EML5: variants seen among roughly 807,000 people sequenced by gnomAD.
EML5 encodes echinoderm microtubule-associated protein-like 5.
EML5 carries 120 observed loss-of-function variants against 250.0 expected under a neutral mutation model. The ratio of observed to expected loss-of-function variants is 0.48; its 90% CI spans 0.41 to 0.56. The LOEUF (loss-of-function observed/expected upper bound fraction) is 0.56, where lower values mean the gene tolerates loss of function less well. Among genes scored for constraint, EML5 ranks in the 20% least tolerant of loss-of-function variants. The pLI, the probability that EML5 is intolerant of heterozygous loss-of-function variation, is 0.00. For synonymous variants in EML5, 771 were observed against 806.5 expected, an observed-to-expected ratio of 0.96 and a Z score of 0.75; for missense variants, 2,006 against 2,437.6, an observed-to-expected ratio of 0.82 and a Z score of 3.73.
intron 21 of EML5, among the ~76,000 whole-genome samples, chr14:88,670,040 G>A (rs2092415130): frequency 6.6e-6 from 1 of 152,122 alleles, no homozygotes; most frequent in South Asian, 2.1e-4. Flanking sequence ...AACAGGCCAG[G>A]CATAGTGGCT....
intron 17 of EML5, among the ~76,000 whole-genome samples, chr14:88,689,827 G>A (rs555609354): frequency 3.9e-5 from 6 of 152,256 alleles, no homozygotes; most frequent in South Asian, 2.1e-4. Flanking sequence ...AACAGAACAG[G>A]CAAGACAACA....
chr14:88,707,983 G>A (rs2093346041), intron 10 of EML5, among the ~76,000 whole-genome samples: 1 of 152,164 alleles, frequency 6.6e-6, no homozygotes, highest in East Asian at 1.9e-4. Flanking sequence ...AATTTGTTAT[G>A]TTAGGACAAT....
intron 29 of EML5, among the ~76,000 whole-genome samples, chr14:88,646,170 A>C (rs2091337510): frequency 6.6e-6 from 1 of 152,188 alleles, no homozygotes; most frequent in Non-Finnish European, 1.5e-5. Context: ...AAGTCTCATA[A>C]AATTAAAGGC....
At chr14:88,738,397 A>AT (rs145502261) in intron 6 of EML5, among the ~76,000 whole-genome samples, 3,036 of 148,326 alleles carry the variant, frequency 0.02, 99 homozygotes, top group African/African-American at 0.068. Flanking sequence ...TATTACATCA[A>AT]TTTTTTTTAA....
chr14:88,737,867 C>A (rs1040011761), intron 6 of EML5, among the ~76,000 whole-genome samples: 7 of 152,128 alleles, frequency 4.6e-5, no homozygotes, highest in Non-Finnish European at 7.4e-5. Flanking sequence ...TAGTAAATTA[C>A]CTTTATAGAA....
At position 88,694,304 on chromosome 14, in the gene EML5, T is replaced by C. The variant is rs1239256301; in HGVS notation, c.2539+3A>G. The stretch of plus-strand genomic sequence containing the variant: ...ATGGAGTAAAAAAGAAGCACTTTCT[T>C]ACCTGCTTTACGCCAAAATTTCATG... On this transcript the variant is annotated splice_donor_region_variant and intron_variant, in intron 17 of 43. Transcript: ENST00000554922. The C allele has an allele frequency of 6.4e-7, 1 of 1,565,248 alleles. No individual in the cohort carries two copies. The highest frequency in any genetic ancestry group is 1.4e-5 in the African/African-American group (1 of 73,942).
intron 37 of EML5, chr14:88,622,320 T>C: frequency 3.6e-6 from 1 of 279,232 alleles, no homozygotes; most frequent in East Asian, 6.4e-5. Flanking sequence ...ATGAGTCAAC[T>C]GCCAAGGGCT....
chr14:88,781,693 T>C (rs1044753851), intron 1 of EML5, among the ~76,000 whole-genome samples: 3 of 152,200 alleles, frequency 2.0e-5, no homozygotes, highest in Non-Finnish European at 4.4e-5. Flanking sequence ...CCATGAGATC[T>C]GATGATTTTA....
intron 2 of EML5, among the ~76,000 whole-genome samples, chr14:88,747,558 A>G (rs2140311565): frequency 6.6e-6 from 1 of 152,304 alleles, no homozygotes; most frequent in East Asian, 1.9e-4. Flanking sequence ...ATATGGCATT[A>G]TTAGTTAAAT....
chr14:88,623,334 T>C (rs1347482147), intron 36 of EML5: 1 of 151,526 alleles, frequency 6.6e-6, no homozygotes, highest in African/African-American at 2.4e-5. Flanking sequence ...ACTTCTTGAT[T>C]AGGAAGATGT....
rs770431990 is a variant in EML5, at chr14:88,615,680, A to C, written c.*138T>G. ...AATATTTTGAACAGATCAGTCTTTCACTATTTTGATGATTCTGGGCATTTC... is the reference window on the plus strand; with the variant it reads ...AATATTTTGAACAGATCAGTCTTTCCCTATTTTGATGATTCTGGGCATTTC... On this transcript the variant is annotated 3_prime_UTR_variant, in exon 44 of 44. Transcript: ENST00000554922. 13 of 743,772 alleles carry C rather than the reference A, an allele frequency of 1.7e-5. No homozygotes were observed. The highest frequency in any genetic ancestry group is 2.9e-5 in the Admixed American group (1 of 34,684). The allele number at this position is 743,772 out of a possible 1,614,324, so 46.1% of individuals were successfully genotyped here.
At chr14:88,633,312 G>A (rs2090540133) in intron 33 of EML5, among the ~76,000 whole-genome samples, 1 of 151,978 alleles carries the variant, frequency 6.6e-6, no homozygotes, top group African/African-American at 2.4e-5. Flanking sequence ...TGTAGAGACA[G>A]GGTCTTGCTG....
In EML5 at chr14:88,688,315, T is replaced by C. The variant is rs771355089; in HGVS notation, c.2698A>G (p.Lys900Glu). Reference protein sequence around the residue: ...WRDIFLVKTVKAHDGPVFSMH... With the variant: ...WRDIFLVKTVEAHDGPVFSMH... ...CTGAACACTGGCCCATCATGCGCTT[T>C]CACTGTTTTTACAAGAAAGATGTCT... The change falls in exon 18 of 44, where the codon AAA becomes GAA. Residue 900 changes from lysine to glutamate, a missense_variant. Physicochemically the swap from Lys to Glu is moderately conservative, Grantham distance 56 (BLOSUM62 1). Coordinates refer to ENST00000554922, the MANE Select transcript of EML5 (RefSeq NM_183387.3). The C allele has an allele frequency of 9.3e-6, 15 of 1,613,858 alleles. No individual in the cohort carries two copies. Among genetic ancestry groups the C allele is most frequent in the Non-Finnish European group, 1.3e-5 (15 of 1,179,886 alleles).
At chr14:88,662,837 C>A (rs944345396) in intron 24 of EML5, among the ~76,000 whole-genome samples, 194 bp downstream of exon 24, 1 of 152,150 alleles carries the variant, frequency 6.6e-6, no homozygotes, top group Admixed American at 6.6e-5. Flanking sequence ...AGCCACCATG[C>A]CCACTGACTC....
At chr14:88,777,250 T>C (rs200116313) in intron 1 of EML5, among the ~76,000 whole-genome samples, 2 of 150,570 alleles carry the variant, frequency 1.3e-5, no homozygotes, top group South Asian at 2.1e-4. Context: ...GACTTTACAG[T>C]GGAAACCTTA....
chr14:88,726,782 T>C, intron 7 of EML5, 104 bp from the exon 8 acceptor site: 1 of 791,584 alleles, frequency 1.3e-6, no homozygotes, highest in Non-Finnish European at 1.9e-6. Context: ...AATCTAGATA[T>C]CTTAACTATC....
chr14:88,621,735 T>C (rs1436822777), intron 37 of EML5: 3 of 347,750 alleles, frequency 8.6e-6, no homozygotes, highest in Non-Finnish European at 1.7e-5. Context: ...ACTTAATAAG[T>C]ACAAACACGC....
At chr14:88,727,953 AAAAGAC>A (rs1375396466) in intron 7 of EML5, among the ~76,000 whole-genome samples, 6 of 152,368 alleles carry the variant, frequency 3.9e-5, no homozygotes, top group Middle Eastern at 3.4e-3. Context: ...CATATAATCT[AAAAGAC>A]AAAGACAAAG....
At chr14:88,783,956 A>T (rs1250789654) in intron 1 of EML5, among the ~76,000 whole-genome samples, 1 of 152,242 alleles carries the variant, frequency 6.6e-6, no homozygotes, top group Non-Finnish European at 1.5e-5. Flanking sequence ...AAATAATATC[A>T]AGCATCTTCT....
Sources: allele counts gnomAD v4.1 joint callset (sites outside exome capture counted in the v4.1 genomes callset), GRCh38; gene constraint gnomAD v4.1.1; transcripts MANE v1.5; gene names NCBI Gene and HGNC (gene_info 2026-07-23, HGNC 2026-07-21).